Variants in GPR149 observed in about 807,000 individuals in gnomAD.
GPR149 encodes the protein probable G protein-coupled receptor 149.
A neutral mutation model predicts 50.2 loss-of-function variants in GPR149; 50 were observed. That is an observed-to-expected ratio of 1.00 (90% confidence interval 0.79 to 1.26). GPR149 has a LOEUF of 1.26. GPR149 is among the 50% of genes most tolerant of loss of function. The pLI is 0.00. For missense variants in GPR149, 983 were observed against 895.4 expected (o/e 1.10, Z -1.25); for synonymous variants, 405 against 358.2 (o/e 1.13, Z -1.48).
At chr3:154,388,014 A>G (rs1182924025) in intron 3 of GPR149, among the ~76,000 whole-genome samples, 1 of 152,200 alleles carries the variant, frequency 6.6e-6, no homozygotes, top group Non-Finnish European at 1.5e-5. Flanking sequence ...CTCAATGTGC[A>G]GAGATATTTA....
chr3:154,375,966 T>C (rs1576912629), intron 3 of GPR149, among the ~76,000 whole-genome samples: 2 of 152,334 alleles, frequency 1.3e-5, no homozygotes, highest in South Asian at 4.1e-4. Flanking sequence ...AGACTGGAAC[T>C]CACACCATCA....
chr3:154,340,493 T>G (rs1713765156), intron 3 of GPR149, among the ~76,000 whole-genome samples: 1 of 152,220 alleles, frequency 6.6e-6, no homozygotes, highest in Non-Finnish European at 1.5e-5. Context: ...TAAGTAAGGA[T>G]GTACATGATT....
At chr3:154,403,243 T>C (rs6762096) in intron 3 of GPR149, among the ~76,000 whole-genome samples, 7,652 of 152,252 alleles carry the variant, frequency 0.05, 628 homozygotes, top group African/African-American at 0.17. Context: ...AAGCATTTTT[T>C]ACAGCATTAG....
chr3:154,400,415 A>G (rs1346693189), intron 3 of GPR149, among the ~76,000 whole-genome samples: 1 of 152,200 alleles, frequency 6.6e-6, no homozygotes, highest in African/African-American at 2.4e-5. Context: ...GGTTGTGTCA[A>G]TGGGTAACCT....
chr3:154,404,844 A>G (rs1711638878), intron 3 of GPR149, among the ~76,000 whole-genome samples: 1 of 139,722 alleles, frequency 7.2e-6, no homozygotes. Context: ...CAAGTATTCA[A>G]TAAATACTAG....
At chr3:154,362,558 C>G (rs1339896238) in intron 3 of GPR149, among the ~76,000 whole-genome samples, 1 of 152,030 alleles carries the variant, frequency 6.6e-6, no homozygotes, top group Non-Finnish European at 1.5e-5. Context: ...AGTTCCACAG[C>G]TAATCACATG....
chr3:154,419,997 C>T (rs929104514), intron 3 of GPR149, among the ~76,000 whole-genome samples: 1 of 151,904 alleles, frequency 6.6e-6, no homozygotes, highest in African/African-American at 2.4e-5. Flanking sequence ...CCTTATTTTA[C>T]TATTCAACTC....
chr3:154,422,722 T>C lies in GPR149; in HGVS notation c.1175-1235A>G, dbSNP rs565181276. ...AGCCAGAACACAAACAAGAACAAGT[T>C]TGATTCAAAGAAAAAATAGAAGTAG... On this transcript the variant is annotated intron_variant, in intron 2 of 3. Transcript: ENST00000389740. Among the ~76,000 whole-genome samples the C allele has an allele frequency of 3.3e-5, 5 of 151,774 alleles. No individual in the cohort carries two copies. The South Asian group carries it at 1.0e-3, about 32-fold the overall frequency.
At chr3:154,357,421 G>T (rs1273105574) in intron 3 of GPR149, among the ~76,000 whole-genome samples, 1 of 151,894 alleles carries the variant, frequency 6.6e-6, no homozygotes, top group South Asian at 2.1e-4. Flanking sequence ...GAAAATTTTC[G>T]CAACCTACTC....
At chr3:154,388,311 T>TACAC (rs377577199) in intron 3 of GPR149, among the ~76,000 whole-genome samples, 9 of 151,094 alleles carry the variant, frequency 6.0e-5, no homozygotes, top group Non-Finnish European at 1.3e-4. Flanking sequence ...CACATATATA[T>TACAC]ACACACACAC....
intron 3 of GPR149, among the ~76,000 whole-genome samples, chr3:154,357,241 C>T (rs1470771850): frequency 2.0e-5 from 3 of 151,938 alleles, no homozygotes; most frequent in Non-Finnish European, 2.9e-5. Context: ...AGAAGAAAAC[C>T]TAGGCAATAC....
At chr3:154,414,903 G>A (rs1363945985) in intron 3 of GPR149, among the ~76,000 whole-genome samples, 1 of 151,886 alleles carries the variant, frequency 6.6e-6, no homozygotes, top group Non-Finnish European at 1.5e-5. Flanking sequence ...TTTATCATCA[G>A]GGATTAGATC....
Position 154,429,074 on chromosome 3 carries a change from C to T in GPR149, c.542G>A (p.Gly181Asp). The change falls in exon 1 of 4, where the codon GGC (glycine) becomes GAC (aspartate). Residue 181 changes from glycine (G) to aspartate (D), a missense_variant. By Grantham distance (94) the Gly-to-Asp change is moderately conservative. Coordinates refer to ENST00000389740, the MANE Select transcript of GPR149 (RefSeq NM_001038705.3). ...GWGAFVRTPW[G>D]CLVDCSSSYV... ...GGAGCTGGAGCAGTCCACCAGGCAG[C>T]CCCAGGGCGTGCGCACGAAGGCGCC... The T allele has an allele frequency of 6.2e-7, 1 of 1,613,832 alleles. No individual in the cohort carries two copies. Among genetic ancestry groups the T allele is most frequent in the Non-Finnish European group, 8.5e-7 (1 of 1,179,970 alleles).
intron 3 of GPR149, among the ~76,000 whole-genome samples, chr3:154,339,475 T>G (rs1713732432): frequency 6.6e-6 from 1 of 152,192 alleles, no homozygotes; most frequent in East Asian, 1.9e-4. Context: ...GGAATTGGCA[T>G]GGGAGATAAT....
chr3:154,353,299 C>A (rs1714131358), intron 3 of GPR149: 2 of 1,422,334 alleles, frequency 1.4e-6, no homozygotes, highest in Middle Eastern at 1.8e-4. Context: ...TCAACCTGTT[C>A]ATATCTGGAT....
chr3:154,423,785 G>A (rs1712211501), intron 2 of GPR149, among the ~76,000 whole-genome samples: 1 of 151,658 alleles, frequency 6.6e-6, no homozygotes, highest in Admixed American at 6.6e-5. Flanking sequence ...TTTAAAAAAT[G>A]AACCAAAAAT....
intron 3 of GPR149, among the ~76,000 whole-genome samples, chr3:154,412,554 C>T (rs909904150): frequency 1.3e-5 from 2 of 152,030 alleles, no homozygotes; most frequent in Non-Finnish European, 2.9e-5. Context: ...AGAATCAAAC[C>T]TAGAACTCAA....
intron 3 of GPR149, among the ~76,000 whole-genome samples, chr3:154,368,468 A>AT (rs753728132): frequency 6.6e-6 from 1 of 152,118 alleles, no homozygotes; most frequent in Non-Finnish European, 1.5e-5. Context: ...CAGGCCTGTA[A>AT]TTTTCATGTG....
intron 2 of GPR149, among the ~76,000 whole-genome samples, chr3:154,423,682 ATAGT>A (rs1462346249): frequency 6.6e-6 from 1 of 151,860 alleles, no homozygotes; most frequent in African/African-American, 2.4e-5. Flanking sequence ...TTAAAACAAC[ATAGT>A]TAATAATCAA....
Sources: gnomAD v4.1 joint callset for allele counts (sites outside exome capture counted in the v4.1 genomes callset) on GRCh38, gnomAD v4.1.1 for gene constraint, MANE v1.5 for transcripts, NCBI Gene and HGNC (gene_info 2026-07-23, HGNC 2026-07-21) for gene names.